Variants in NF1 observed in about 807,000 individuals in gnomAD.
NF1 encodes the protein neurofibromin 1, also known as neurofibromin.
NF1 carries 122 observed loss-of-function variants against 325.7 expected under a neutral mutation model. The ratio of observed to expected loss-of-function variants is 0.37; its 90% confidence interval spans 0.32 to 0.44. The LOEUF is 0.44. NF1 is among the 20% of genes least tolerant of loss of function. The probability of loss-of-function intolerance (pLI) is 1.00; values close to 1 mark genes in which losing one functional copy is unlikely to be tolerated. For missense variants in NF1, 2,140 were observed against 3,415.4 expected (o/e 0.63, Z 9.31); for synonymous variants, 1,091 against 1,186.0 (o/e 0.92, Z 1.65).
intron 36 of NF1, among the ~76,000 whole-genome samples, chr17:31,324,211 C>T (rs35888506): frequency 0.45 from 68,846 of 151,958 alleles, 19,137 homozygotes; most frequent in Non-Finnish European, 0.62. Context: ...GGGCTACAGG[C>T]ACGTGCCACC....
intron 1 of NF1, among the ~76,000 whole-genome samples, chr17:31,100,860 G>T (rs141387104): frequency 6.6e-6 from 1 of 152,176 alleles, no homozygotes; most frequent in Non-Finnish European, 1.5e-5. Flanking sequence ...GAGCCACCGT[G>T]CCCGGCCCGG....
rs528392938 is a variant in NF1, at chr17:31,334,782, A to G, written c.5813-56A>G. On this transcript the variant is annotated intron_variant, in intron 39 of 57. Transcript: ENST00000358273. ...TTTCCCCGAATTCTTTATGTTAAATAATTGTTGATGTGATTTTCATTGACC... is the reference window on the plus strand; with the variant it reads ...TTTCCCCGAATTCTTTATGTTAAATGATTGTTGATGTGATTTTCATTGACC... 23 of 1,367,678 alleles carry G rather than the reference A, an allele frequency of 1.7e-5. No individual in the cohort carries two copies. The African/African-American group carries it at 3.0e-4, about 18-fold the overall frequency. 84.7% of individuals were successfully genotyped at this position (1,367,678 alleles called of 1,614,324 possible).
rs1309286493 is a variant in NF1, at chr17:31,235,663, A to C, written c.3761A>C (p.Tyr1254Ser). The C allele has an allele frequency of 6.2e-7, 1 of 1,614,064 alleles. No homozygotes were observed. The highest frequency in any genetic ancestry group is 1.7e-5 in the Admixed American group (1 of 60,020). ...VTLFDSRHLL[Y>S]QLLWNMFSKE... ...CTGTTTGATTCTCGGCATTTACTCT[A>C]CCAACTGCTCTGGAACATGTTTTCT... The change falls in exon 28 of 58, where the codon TAC (tyrosine) becomes TCC (serine). Residue 1254 changes from tyrosine to serine, a missense_variant. By Grantham distance (144) the Tyr-to-Ser change is moderately radical (BLOSUM62 -2). Transcript: ENST00000358273.
At chr17:31,296,897 A>C (rs2068478456) in intron 36 of NF1, 1 of 156,414 alleles carries the variant, frequency 6.4e-6, no homozygotes, top group South Asian at 1.9e-4. Context: ...AATCCAGACC[A>C]ACACAGTACC....
At chr17:31,296,441 G>A (rs2068466905) in intron 36 of NF1, 1 of 1,044,556 alleles carries the variant, frequency 9.6e-7, no homozygotes, top group African/African-American at 1.6e-5. Flanking sequence ...CCTCGTTGTT[G>A]TCGAGTCCTT....
intron 1 of NF1, among the ~76,000 whole-genome samples, chr17:31,118,454 G>A (rs537841280): frequency 5.2e-4 from 78 of 150,380 alleles, no homozygotes; most frequent in African/African-American, 1.8e-3. Flanking sequence ...CCCCCACCCC[G>A]CAACAGGCCC....
At chr17:31,359,828 T>C in intron 56 of NF1, 1 of 156,308 alleles carries the variant, frequency 6.4e-6, no homozygotes, top group Non-Finnish European at 1.4e-5. Flanking sequence ...TTTCTCTGTA[T>C]GTGGGCTCTC....
chr17:31,203,699 A>C (rs992662560), intron 11 of NF1, among the ~76,000 whole-genome samples: 2 of 151,970 alleles, frequency 1.3e-5, no homozygotes, highest in Admixed American at 1.3e-4. Context: ...TCGTAGTGTA[A>C]ATTTTTTTTC....
At chr17:31,330,633 G>A (rs963731704) in intron 39 of NF1, 135 bp downstream of exon 39, 1 of 697,922 alleles carries the variant, frequency 1.4e-6, no homozygotes, top group East Asian at 2.7e-5. Flanking sequence ...TTTTATATCT[G>A]TGGTATCCTG....
At chr17:31,201,276 G>A (rs537704768) in intron 10 of NF1, 117 bp downstream of exon 10, 21 of 1,492,998 alleles carry the variant, frequency 1.4e-5, no homozygotes, top group African/African-American at 9.8e-5. Context: ...ATTATGTATT[G>A]ATGTTCGTTT....
chr17:31,296,624 TTATC>T (rs1182244906), intron 36 of NF1: 5 of 393,290 alleles, frequency 1.3e-5, no homozygotes, highest in Non-Finnish European at 2.4e-5. Flanking sequence ...TCTTTCTTAT[TTATC>T]TTTCTAGAGC....
At chr17:31,120,212 T>G (rs1240757355) in intron 1 of NF1, among the ~76,000 whole-genome samples, 5 of 152,244 alleles carry the variant, frequency 3.3e-5, no homozygotes, top group Non-Finnish European at 7.3e-5. Flanking sequence ...TACAGCCATT[T>G]TCATGATATC....
intron 37 of NF1, among the ~76,000 whole-genome samples, chr17:31,326,899 C>T (rs1309329139): frequency 6.6e-6 from 1 of 151,972 alleles, no homozygotes; most frequent in East Asian, 1.9e-4. Context: ...AGGATAAAAT[C>T]AGTACTTTTC....
chr17:31,237,706 G>A (rs972529716), intron 29 of NF1, among the ~76,000 whole-genome samples: 17 of 136,916 alleles, frequency 1.2e-4, no homozygotes, highest in Non-Finnish European at 2.1e-4. Flanking sequence ...ACATTATTAC[G>A]GATTTTATGT....
chr17:31,259,943 AAG>A (rs1266071839), intron 33 of NF1, among the ~76,000 whole-genome samples: 1 of 152,134 alleles, frequency 6.6e-6, no homozygotes, highest in Non-Finnish European at 1.5e-5. Flanking sequence ...CCATGTTGGA[AAG>A]AGAGTGAATG....
chr17:31,134,507 G>A (rs72813607), intron 1 of NF1, among the ~76,000 whole-genome samples: 12,616 of 152,170 alleles, frequency 0.083, 695 homozygotes, highest in Non-Finnish European at 0.13. Flanking sequence ...AAATGTAGCC[G>A]TTTTGTACAA....
chr17:31,275,071 A>G (rs996691467), intron 36 of NF1, among the ~76,000 whole-genome samples: 2 of 152,128 alleles, frequency 1.3e-5, no homozygotes, highest in South Asian at 2.1e-4. Context: ...TTTAAATTCT[A>G]TTTAGTACTC....
intron 2 of NF1, among the ~76,000 whole-genome samples, chr17:31,156,799 T>G (rs1345110047): frequency 6.6e-6 from 1 of 152,180 alleles, no homozygotes; most frequent in East Asian, 1.9e-4. Context: ...CTCTGTACCT[T>G]TGAACATATA....
At chr17:31,325,363 C>T (rs1426269585) in intron 36 of NF1, among the ~76,000 whole-genome samples, 1 of 152,212 alleles carries the variant, frequency 6.6e-6, no homozygotes, top group Non-Finnish European at 1.5e-5. Context: ...GCTAAACTAC[C>T]TGAACTGGGC....
Sources: allele counts gnomAD v4.1 joint callset (sites outside exome capture counted in the v4.1 genomes callset), GRCh38; gene constraint gnomAD v4.1.1; transcripts MANE v1.5; gene names NCBI Gene and HGNC (gene_info 2026-07-23, HGNC 2026-07-21).